The following C4orf50 variants were observed in gnomAD, a reference collection of about 807,000 sequenced individuals.
C4orf50 encodes chromosome 4 open reading frame 50, also known as uncharacterized protein C4orf50.
A neutral mutation model predicts 77.2 loss-of-function variants in C4orf50; 80 were observed. That is an observed-to-expected ratio of 1.04 (90% CI 0.87 to 1.25). The LOEUF (loss-of-function observed/expected upper bound fraction) is 1.25, where lower values mean the gene tolerates loss of function less well. C4orf50 is among the 50% of genes most tolerant of loss of function. The probability of loss-of-function intolerance (pLI) is 0.00; values close to 1 mark genes in which losing one functional copy is unlikely to be tolerated. For missense variants in C4orf50, 1,257 were observed against 1,152.9 expected (o/e 1.09, Z -1.31); for synonymous variants, 532 against 465.3 (o/e 1.14, Z -1.84).
chr4:5,978,006 G>A (rs1307241417), intron 29 of C4orf50, among the ~76,000 whole-genome samples: 2 of 152,154 alleles, frequency 1.3e-5, no homozygotes, highest in African/African-American at 4.8e-5. Flanking sequence ...AGAAAAATGG[G>A]AAGAATCTGA....
chr4:5,973,619 C>T (rs1345197183), intron 31 of C4orf50, 40 bp downstream of exon 9: 1 of 1,552,926 alleles, frequency 6.4e-7, no homozygotes. Flanking sequence ...CGCCCACACT[C>T]CCATAGGAAG....
At chr4:5,906,044 C>A (rs375725437) in intron 7 of C4orf50, among the ~76,000 whole-genome samples, 2 of 152,004 alleles carry the variant, frequency 1.3e-5, no homozygotes, top group Admixed American at 6.6e-5. Context: ...ACAGTGGAGG[C>A]GCGGACAGCA....
exon 33 of C4orf50, chr4:5,965,043 G>T (rs1233830909): frequency 1.6e-5 from 26 of 1,613,064 alleles, no homozygotes; most frequent in Non-Finnish European, 2.1e-5. Context: ...ATCCAGTTGG[G>T]CTGTCTGTGC....
At chr4:5,980,178 G>A in exon 29 of C4orf50, 1 of 1,596,326 alleles carries the variant, frequency 6.3e-7, no homozygotes. Flanking sequence ...CCACACCTTG[G>A]CCTGGAGCTC....
At chr4:5,960,568 GC>G (rs1295943284) in intron 33 of C4orf50, among the ~76,000 whole-genome samples, 2 of 152,240 alleles carry the variant, frequency 1.3e-5, no homozygotes, top group African/African-American at 4.8e-5. Context: ...TATGTGCCAA[GC>G]CTGACCTTGT....
chr4:5,928,680 T>G (rs965983824), intron 7 of C4orf50, among the ~76,000 whole-genome samples: 1 of 152,182 alleles, frequency 6.6e-6, no homozygotes, highest in African/African-American at 2.4e-5. Flanking sequence ...AGATGGCACC[T>G]TCTCCTGTCA....
At chr4:5,944,592 C>T (rs1360112543) in intron 7 of C4orf50, among the ~76,000 whole-genome samples, 1 of 152,188 alleles carries the variant, frequency 6.6e-6, no homozygotes, top group Non-Finnish European at 1.5e-5. Flanking sequence ...GGAGAACCTT[C>T]TGGAAGCTCC....
downstream of C4orf50, among the ~76,000 whole-genome samples, chr4:5,955,590 G>A (rs1428420909): frequency 6.6e-6 from 1 of 152,192 alleles, no homozygotes; most frequent in Non-Finnish European, 1.5e-5. The surrounding 1 kb of genome is among the most constrained non-coding windows in gnomAD (Gnocchi z 5.1). Flanking sequence ...GGATAGGAAC[G>A]CAGGACCATA....
In C4orf50 at chr4:6,009,007, G is replaced by A. The variant is rs1206538082; in HGVS notation, c.427-475C>T. ...ACCCAGGGTCAGCTGGCCCCAGCAGGTGAGTCGCAATACCAGTGCCACAGC... is the reference window on the plus strand; with the variant it reads ...ACCCAGGGTCAGCTGGCCCCAGCAGATGAGTCGCAATACCAGTGCCACAGC... On this transcript the variant is annotated intron_variant, in intron 24 of 33. Coordinates refer to ENST00000531445, the Ensembl canonical transcript of C4orf50. This position sits in a 1 kb window ranked among gnomAD's most constrained non-coding sequence, Gnocchi z 5.6. Among the ~76,000 whole-genome samples the A allele has an allele frequency of 6.6e-6, 1 of 152,210 alleles. No individual in the cohort carries two copies. Among genetic ancestry groups the A allele is most frequent in the African/African-American group, 2.4e-5 (1 of 41,452 alleles).
In C4orf50 at chr4:5,989,202, G is replaced by A. The variant is rs541992927; in HGVS notation, c.2844C>T (p.His948=). The A allele has an allele frequency of 6.3e-5, 97 of 1,535,958 alleles. 2 individuals carry two copies. The South Asian group carries it at 9.0e-4, about 14-fold the overall frequency. The stretch of plus-strand genomic sequence containing the variant: ...TTTCATGGAACCTCTCTTGGTCTCC[G>A]TGAAGTTTGGTGTTGTCATGTAAAA... Residue 948 remains histidine (H), a synonymous_variant, in exon 28 of 34, where the codon CAC becomes CAT. Coordinates refer to ENST00000531445, the Ensembl canonical transcript of C4orf50.
intron 25 of C4orf50, among the ~76,000 whole-genome samples, chr4:5,994,966 G>A (rs1014630098): frequency 2.0e-5 from 3 of 152,172 alleles, no homozygotes; most frequent in Non-Finnish European, 4.4e-5. Flanking sequence ...TCTAGGTTGG[G>A]TGCTCCTTAT....
chr4:5,950,092 T>C (rs929402246), intron 7 of C4orf50, among the ~76,000 whole-genome samples: 1 of 152,038 alleles, frequency 6.6e-6, no homozygotes, highest in East Asian at 1.9e-4. Flanking sequence ...TACTTTTAAA[T>C]AGCAAAAACT....
chr4:5,980,069 A>G, intron 29 of C4orf50, 105 bp downstream of exon 7: 3 of 906,384 alleles, frequency 3.3e-6, no homozygotes, highest in Non-Finnish European at 4.9e-6. Flanking sequence ...CCTGCTCCCA[A>G]CTGGCTGGGT....
intron 7 of C4orf50, among the ~76,000 whole-genome samples, chr4:5,946,945 G>A (rs555570857): frequency 2.2e-4 from 33 of 152,306 alleles, no homozygotes; most frequent in African/African-American, 7.2e-4. Context: ...ATATAACAAC[G>A]TGGGAGGTGA....
chr4:5,914,451 G>T (rs1397753862), intron 7 of C4orf50, among the ~76,000 whole-genome samples: 1 of 151,974 alleles, frequency 6.6e-6, no homozygotes, highest in Non-Finnish European at 1.5e-5. Flanking sequence ...TGGTCCACCC[G>T]CCTCGGCCTC....
chr4:5,975,272 A>G (rs753197180), intron 30 of C4orf50, among the ~76,000 whole-genome samples: 54 of 150,110 alleles, frequency 3.6e-4, no homozygotes, highest in Non-Finnish European at 7.2e-4. Flanking sequence ...TGGTGATTTT[A>G]TGGACCAAGG....
In C4orf50 at chr4:6,001,374, G is replaced by A. The variant is rs573500689; in HGVS notation, c.963+6622C>T. Among the ~76,000 whole-genome samples, 7 of 152,294 alleles carry A rather than the reference G, an allele frequency of 4.6e-5. No homozygotes were observed. The South Asian group carries it at 1.4e-3, about 32-fold the overall frequency. On this transcript the variant is annotated intron_variant, in intron 25 of 33. Transcript: ENST00000531445. The stretch of plus-strand genomic sequence containing the variant: ...CATGTTGGACAGGCTGGTCACTTTA[G>A]GTCAGGAGTTCGTGTTCCATGATAT...
chr4:6,004,298 GT>G (rs1722104358), intron 25 of C4orf50, among the ~76,000 whole-genome samples: 1 of 66,428 alleles, frequency 1.5e-5, no homozygotes, highest in Non-Finnish European at 2.9e-5. Context: ...GGTGATGATG[GT>G]GATGGTGGTG....
At chr4:5,922,786 C>T (rs1223102334) in intron 7 of C4orf50, among the ~76,000 whole-genome samples, 1 of 152,132 alleles carries the variant, frequency 6.6e-6, no homozygotes, top group Non-Finnish European at 1.5e-5. Context: ...GGGAAAGGAC[C>T]CAGGGAGTTT....
Sources: gnomAD v4.1 joint callset for allele counts (sites outside exome capture counted in the v4.1 genomes callset) on GRCh38, gnomAD v4.1.1 for gene constraint, Gnocchi (gnomAD v3.1) non-coding constraint, MANE v1.5 for transcripts, NCBI Gene and HGNC (gene_info 2026-07-23, HGNC 2026-07-21) for gene names.